The following SCFD2 variants were observed in gnomAD, a reference collection of about 807,000 sequenced individuals.
SCFD2 encodes sec1 family domain containing 2.
SCFD2 carries 54 observed loss-of-function variants against 58.9 expected under a neutral mutation model. The ratio of observed to expected loss-of-function variants is 0.92; its 90% confidence interval spans 0.74 to 1.15. The LOEUF (loss-of-function observed/expected upper bound fraction) is 1.15, where lower values mean the gene tolerates loss of function less well. SCFD2 is among the 50% of genes most tolerant of loss of function. The probability of loss-of-function intolerance (pLI) is 0.00; values close to 1 mark genes in which losing one functional copy is unlikely to be tolerated. For missense variants in SCFD2, 805 were observed against 836.6 expected, an observed-to-expected ratio of 0.96 and a Z score of 0.47; for synonymous variants, 321 against 335.9, an observed-to-expected ratio of 0.96 and a Z score of 0.49.
intron 2 of SCFD2, among the ~76,000 whole-genome samples, chr4:53,317,886 C>T (rs1366666658): frequency 6.6e-6 from 1 of 152,172 alleles, no homozygotes; most frequent in East Asian, 1.9e-4. Context: ...GCACCTAGAA[C>T]AAATCCTGAC....
At chr4:52,893,107 A>C (rs1490175541) in intron 7 of SCFD2, among the ~76,000 whole-genome samples, 1 of 152,190 alleles carries the variant, frequency 6.6e-6, no homozygotes, top group African/African-American at 2.4e-5. Context: ...AAACGTGAAC[A>C]CTGAGATATT....
At chr4:52,913,748 A>G (rs994022893) in intron 6 of SCFD2, among the ~76,000 whole-genome samples, 1 of 152,176 alleles carries the variant, frequency 6.6e-6, no homozygotes, top group Non-Finnish European at 1.5e-5. Context: ...GAGCATTAGA[A>G]TCCTACACTG....
intron 4 of SCFD2, among the ~76,000 whole-genome samples, chr4:53,210,215 G>A (rs1728565638): frequency 6.6e-6 from 1 of 152,020 alleles, no homozygotes. Context: ...GGGCAGCTAG[G>A]AGAATAGGTG....
chr4:53,281,192 C>A (rs1489153412), intron 3 of SCFD2, among the ~76,000 whole-genome samples: 1 of 152,200 alleles, frequency 6.6e-6, no homozygotes. Flanking sequence ...ACAAAAAGTT[C>A]TATATATGCT....
At chr4:53,340,847 C>G (rs1167420562) in intron 2 of SCFD2, among the ~76,000 whole-genome samples, 5 of 152,208 alleles carry the variant, frequency 3.3e-5, no homozygotes, top group Admixed American at 6.5e-5. Context: ...CCCAGGCAAA[C>G]AGGGTCTGGA....
At chr4:53,339,002 C>A (rs565872997) in intron 2 of SCFD2, among the ~76,000 whole-genome samples, 85 of 151,894 alleles carry the variant, frequency 5.6e-4, no homozygotes, top group African/African-American at 2.1e-3. Context: ...TGCAGCAGAT[C>A]TACTCTAAAA....
chr4:52,893,899 G>T (rs1320534399), intron 7 of SCFD2, among the ~76,000 whole-genome samples: 1 of 152,106 alleles, frequency 6.6e-6, no homozygotes, highest in East Asian at 1.9e-4. Context: ...CTCTCTCATT[G>T]CTGTCCTTGG....
At chr4:53,260,320 G>A (rs1328420579) in intron 4 of SCFD2, among the ~76,000 whole-genome samples, 1 of 152,006 alleles carries the variant, frequency 6.6e-6, no homozygotes, top group East Asian at 1.9e-4. Flanking sequence ...TCTCAGAGGG[G>A]ATGCTTCCAA....
chr4:52,991,790 A>T (rs1197608299), intron 5 of SCFD2, among the ~76,000 whole-genome samples: 1 of 152,152 alleles, frequency 6.6e-6, no homozygotes, highest in African/African-American at 2.4e-5. Context: ...AGGCCTGTGT[A>T]GTAAGGAAGC....
chr4:53,121,788 A>G (rs940428109), intron 5 of SCFD2, among the ~76,000 whole-genome samples: 3 of 152,328 alleles, frequency 2.0e-5, no homozygotes, highest in African/African-American at 4.8e-5. Context: ...CCCTGCCTGC[A>G]TATTGTTTCA....
chr4:53,076,300 TTATAAA>T (rs1458634379), intron 5 of SCFD2, among the ~76,000 whole-genome samples: 3 of 152,162 alleles, frequency 2.0e-5, no homozygotes, highest in Non-Finnish European at 4.4e-5. Context: ...AATTCCAATT[TTATAAA>T]GTAGGTGTTC....
intron 8 of SCFD2, among the ~76,000 whole-genome samples, chr4:52,878,940 C>T (rs1718542198): frequency 2.0e-5 from 3 of 152,182 alleles, no homozygotes. Flanking sequence ...CTCCCTTTCC[C>T]CTTTTCAGGG....
intron 5 of SCFD2, among the ~76,000 whole-genome samples, chr4:52,938,733 C>A (rs1720208701): frequency 2.0e-5 from 3 of 152,136 alleles, no homozygotes; most frequent in Admixed American, 2.0e-4. Flanking sequence ...TGATTTTACT[C>A]TTTTGTTCAA....
chr4:53,016,503 T>A (rs532718993), intron 5 of SCFD2, among the ~76,000 whole-genome samples: 1 of 152,356 alleles, frequency 6.6e-6, no homozygotes, highest in East Asian at 1.9e-4. Flanking sequence ...TATGAATCTT[T>A]AAAAAATCTT....
At chr4:53,192,102 C>T (rs1237984218) in intron 4 of SCFD2, among the ~76,000 whole-genome samples, 5 of 152,172 alleles carry the variant, frequency 3.3e-5, no homozygotes, top group Admixed American at 1.3e-4. Flanking sequence ...AAACTGCTGA[C>T]TTCTCTTAAA....
chr4:53,267,355 G>A (rs1222990594), intron 4 of SCFD2, among the ~76,000 whole-genome samples: 1 of 152,052 alleles, frequency 6.6e-6, no homozygotes, highest in African/African-American at 2.4e-5. Context: ...CATATATTAT[G>A]ACTTGTTAAA....
At chr4:53,198,514 T>A (rs1197428663) in intron 4 of SCFD2, among the ~76,000 whole-genome samples, 1 of 152,146 alleles carries the variant, frequency 6.6e-6, no homozygotes, top group Non-Finnish European at 1.5e-5. Flanking sequence ...GCAATTATTG[T>A]AATCATGTTT....
intron 4 of SCFD2, among the ~76,000 whole-genome samples, chr4:53,249,481 A>T (rs188632711): frequency 1.1e-3 from 161 of 152,316 alleles, no homozygotes; most frequent in African/African-American, 3.7e-3. Flanking sequence ...CCTTGAGAAG[A>T]GCAACTCCAA....
At chr4:52,957,554 G>A (rs769367040) in intron 5 of SCFD2, 33 of 152,316 alleles carry the variant, frequency 2.2e-4, no homozygotes, top group African/African-American at 7.2e-4. Flanking sequence ...CATACTAACC[G>A]GCTCCAATAG....
Sources: allele counts gnomAD v4.1 joint callset (sites outside exome capture counted in the v4.1 genomes callset), GRCh38; gene constraint gnomAD v4.1.1; transcripts MANE v1.5; gene names NCBI Gene and HGNC (gene_info 2026-07-23, HGNC 2026-07-21).